The following SAFB2 variants were observed in gnomAD, a reference collection of about 807,000 sequenced individuals.
SAFB2 encodes the protein scaffold attachment factor B2.
A neutral mutation model predicts 100.6 loss-of-function variants in SAFB2; 32 were observed. The observed-to-expected ratio is 0.32, with a 90% CI of 0.24 to 0.43. The LOEUF is 0.43. Ranked by LOEUF, SAFB2 falls within the 20% of genes least tolerant of loss-of-function variation. The pLI is 1.00. For synonymous variants in SAFB2, 500 were observed against 439.4 expected (o/e 1.14, Z -1.72); for missense variants, 1,185 against 1,163.4 (o/e 1.02, Z -0.27).
chr19:5,592,946 A>G (rs975728655), intron 15 of SAFB2, 59 bp from the exon 16 acceptor site: 34 of 1,565,314 alleles, frequency 2.2e-5, no homozygotes, highest in Admixed American at 2.1e-4. Context: ...AGGAGGAAAA[A>G]AGGAGGAGGT....
chr19:5,594,201 C>A, intron 14 of SAFB2, 23 bp from the exon 15 acceptor site: 1 of 1,553,354 alleles, frequency 6.4e-7, no homozygotes, highest in Non-Finnish European at 8.6e-7. Flanking sequence ...GTGAGGCTGC[C>A]CTGAACTCCC....
intron 13 of SAFB2, among the ~76,000 whole-genome samples, chr19:5,595,991 G>A (rs762034141): frequency 6.6e-6 from 1 of 152,206 alleles, no homozygotes; most frequent in East Asian, 1.9e-4. Context: ...CAGGCCGGGC[G>A]CAGTGGCTCA....
intron 2 of SAFB2, among the ~76,000 whole-genome samples, chr19:5,619,102 C>T (rs541949568): frequency 3.3e-5 from 5 of 152,278 alleles, no homozygotes; most frequent in South Asian, 4.1e-4. Flanking sequence ...GTGCTTGAAA[C>T]GAAAATTAAC....
intron 11 of SAFB2, 111 bp from the exon 12 acceptor site, chr19:5,600,371 C>T: frequency 1.4e-6 from 2 of 1,428,956 alleles, no homozygotes; most frequent in Non-Finnish European, 9.4e-7. Context: ...AACAAATCAC[C>T]CCGGCAGCAA....
intron 18 of SAFB2, 85 bp downstream of exon 18, chr19:5,590,193 A>G (rs1201599318): frequency 7.9e-7 from 1 of 1,270,500 alleles, no homozygotes; most frequent in African/African-American, 1.5e-5. Flanking sequence ...GCTGAATCAA[A>G]CCTTGGGGAC....
intron 13 of SAFB2, among the ~76,000 whole-genome samples, chr19:5,596,219 C>T (rs930770976): frequency 2.0e-5 from 3 of 152,208 alleles, no homozygotes; most frequent in Non-Finnish European, 4.4e-5. Flanking sequence ...GCTGAGATTG[C>T]GCCACTGTAC....
chr19:5,588,066 G>T, intron 18 of SAFB2, 86 bp from the exon 19 acceptor site: 1 of 1,188,520 alleles, frequency 8.4e-7, no homozygotes, highest in East Asian at 2.6e-5. Context: ...GACCTCAGCT[G>T]CATGGTGGGT....
At chr19:5,613,687 C>G in intron 4 of SAFB2, 160 bp from the exon 5 acceptor site, 2 of 985,424 alleles carry the variant, frequency 2.0e-6, no homozygotes, top group Non-Finnish European at 2.4e-6. Context: ...GCCTCTCCGC[C>G]AGAACACACA....
chr19:5,620,223 G>A (rs1009377626), intron 2 of SAFB2, among the ~76,000 whole-genome samples: 2 of 152,084 alleles, frequency 1.3e-5, no homozygotes, highest in African/African-American at 2.4e-5. Flanking sequence ...ACATGCACAT[G>A]TTTTAAACAG....
chr19:5,588,679 C>T (rs1307096477), intron 18 of SAFB2, among the ~76,000 whole-genome samples: 1 of 152,072 alleles, frequency 6.6e-6, no homozygotes, highest in Non-Finnish European at 1.5e-5. Flanking sequence ...GACGGCAAAT[C>T]CAGAGCCAGA....
At chr19:5,591,494 G>T in intron 17 of SAFB2, 1 of 385,508 alleles carries the variant, frequency 2.6e-6, no homozygotes, top group Non-Finnish European at 4.7e-6. Flanking sequence ...CGGCCAGGCT[G>T]GTCTTGAACT....
At chr19:5,599,072 G>A (rs779373403) in intron 12 of SAFB2, among the ~76,000 whole-genome samples, 188 bp from the exon 13 acceptor site, 6 of 152,078 alleles carry the variant, frequency 3.9e-5, no homozygotes, top group Admixed American at 2.6e-4. Flanking sequence ...AGCATCATGG[G>A]GGTACCCTCA....
chr19:5,605,013 A>G, intron 9 of SAFB2, 77 bp from the exon 10 acceptor site: 2 of 1,525,058 alleles, frequency 1.3e-6, no homozygotes, highest in Non-Finnish European at 1.8e-6. Flanking sequence ...TGGCAATCAG[A>G]ATCATTTTCA....
Position 5,622,660 on chromosome 19 carries a change from C to G in SAFB2, c.56G>C (p.Gly19Ala). The G allele has an allele frequency of 1.2e-6, 2 of 1,608,270 alleles. No individual in the cohort carries two copies. Among genetic ancestry groups the G allele is most frequent in the Non-Finnish European group, 1.7e-6 (2 of 1,178,824 alleles). Reference protein sequence around the residue: ...GDSGPGTASLGPGVAETGTRR... With the variant: ...GDSGPGTASLAPGVAETGTRR... ...CGTCCCAGTCTCCGCAACGCCCGGG[C>G]CGAGAGAAGCCGTGCCAGGGCCCGA... Residue 19 changes from glycine (G) to alanine (A), a missense_variant, in exon 1 of 21, where the codon GGC becomes GCC. Gly to Ala is a moderately conservative substitution (Grantham distance 60). Transcript: ENST00000252542.
Position 5,587,468 on chromosome 19 carries a change from G to A in SAFB2, c.2706-69C>T, listed in dbSNP as rs1315589298. 2 of 1,537,510 alleles carry A rather than the reference G, an allele frequency of 1.3e-6. No individual in the cohort carries two copies. The highest frequency in any genetic ancestry group is 1.8e-6 in the Non-Finnish European group (2 of 1,136,270). On this transcript the variant is annotated intron_variant, in intron 20 of 20. Coordinates refer to ENST00000252542, the MANE Select transcript of SAFB2 (RefSeq NM_014649.3). This position sits in a 1 kb window ranked among gnomAD's most constrained non-coding sequence, Gnocchi z 4.9. The stretch of plus-strand genomic sequence containing the variant: ...GCGTTTTCATCGTAACATGGGTTCA[G>A]TAACGGTCCCGCAGCCTTTAGAGCG...
intron 12 of SAFB2, among the ~76,000 whole-genome samples, chr19:5,599,176 G>A (rs1045686060): frequency 3.0e-4 from 46 of 151,998 alleles, no homozygotes; most frequent in Non-Finnish European, 5.0e-4. Context: ...AGCCCTCCGT[G>A]ACCCTCCACT....
intron 4 of SAFB2, among the ~76,000 whole-genome samples, chr19:5,615,607 C>T (rs2053010068): frequency 6.6e-6 from 1 of 151,928 alleles, no homozygotes; most frequent in South Asian, 2.1e-4. Flanking sequence ...CTCAGTTATG[C>T]AGGGGGATTG....
intron 9 of SAFB2, among the ~76,000 whole-genome samples, chr19:5,606,149 C>T (rs1243331098): frequency 6.6e-6 from 1 of 152,196 alleles, no homozygotes; most frequent in Non-Finnish European, 1.5e-5. Context: ...CCATCAGACC[C>T]ACTACTCAGA....
At chr19:5,589,730 G>A (rs1329153955) in intron 18 of SAFB2, among the ~76,000 whole-genome samples, 1 of 152,156 alleles carries the variant, frequency 6.6e-6, no homozygotes, top group East Asian at 1.9e-4. Context: ...CACCCCCACT[G>A]CAGTGCTGGT....
Sources: allele counts gnomAD v4.1 joint callset (sites outside exome capture counted in the v4.1 genomes callset), GRCh38; gene constraint gnomAD v4.1.1; non-coding constraint Gnocchi (gnomAD v3.1); transcripts MANE v1.5; gene names NCBI Gene and HGNC (gene_info 2026-07-23, HGNC 2026-07-21).